SGCZ: variants seen among roughly 807,000 people sequenced by gnomAD.
SGCZ encodes zeta-sarcoglycan.
In SGCZ, 40 loss-of-function variants were observed where a neutral mutation model predicts 41.3. That is an observed-to-expected ratio of 0.97 (90% CI 0.75 to 1.26). The LOEUF is 1.26. Among genes scored for constraint, SGCZ ranks in the 50% most tolerant of loss-of-function variants. SGCZ has a pLI of 0.00. For synonymous variants in SGCZ, 206 were observed against 137.5 expected, an observed-to-expected ratio of 1.50 and a Z score of -3.49; for missense variants, 552 against 369.8, an observed-to-expected ratio of 1.49 and a Z score of -4.04.
At chr8:14,933,431 C>CTT (rs11443740) in intron 1 of SGCZ, among the ~76,000 whole-genome samples, 3,758 of 120,324 alleles carry the variant, frequency 0.031, 139 homozygotes, top group South Asian at 0.056. Context: ...CTTTTTTTTT[C>CTT]TTTTTTTTTT....
At chr8:14,928,493 A>G (rs553292552) in intron 1 of SGCZ, among the ~76,000 whole-genome samples, 341 of 152,348 alleles carry the variant, frequency 2.2e-3, no homozygotes, top group Non-Finnish European at 4.2e-3. Context: ...GAGGAAATAC[A>G]TATTACCAGA....
At chr8:15,137,763 C>T (rs1808167349) in intron 1 of SGCZ, among the ~76,000 whole-genome samples, 1 of 152,200 alleles carries the variant, frequency 6.6e-6, no homozygotes, top group Non-Finnish European at 1.5e-5. Flanking sequence ...GTATGAATGT[C>T]CAGGCAGAAG....
rs184189565 is a variant in SGCZ at position 14,656,858 on chromosome 8, G to A, written c.40-101932C>T. 1.4e-3 allele frequency among the ~76,000 whole-genome samples: 212 copies of A among 151,976 alleles called. 2 individuals carry two copies. The highest frequency in any genetic ancestry group is 5.0e-3 in the African/African-American group (207 of 41,476). On this transcript the variant is annotated intron_variant, in intron 1 of 7. Transcript: ENST00000382080. Reference sequence around the variant, plus strand: ...GCAAAGAAATATGACTTACATGTATGTTTTGATAAAGTGACCCTACAGATA... The same window carrying A: ...GCAAAGAAATATGACTTACATGTATATTTTGATAAAGTGACCCTACAGATA...
intron 1 of SGCZ, among the ~76,000 whole-genome samples, chr8:14,639,292 C>T (rs545826846): frequency 4.0e-5 from 6 of 151,720 alleles, no homozygotes; most frequent in African/African-American, 1.4e-4. Context: ...TGCCTTACCA[C>T]TAATATATTA....
chr8:14,309,456 G>A, intron 3 of SGCZ: 1 of 1,606,076 alleles, frequency 6.2e-7, no homozygotes, highest in African/African-American at 1.3e-5. Context: ...GATGACTGCA[G>A]TGATGATGTA....
In SGCZ at chr8:14,102,395, A is replaced by T; in HGVS notation, c.725T>A (p.Leu242Gln). 1.3e-6 allele frequency: 2 copies of T among 1,518,470 alleles called. No homozygotes were observed. The highest frequency in any genetic ancestry group is 1.8e-6 in the Non-Finnish European group (2 of 1,119,888). 94.1% of individuals were successfully genotyped at this position (1,518,470 alleles called of 1,614,324 possible). The change falls in exon 7 of 8, where the codon CTG becomes CAG. Residue 242 changes from leucine to glutamine, a missense_variant. Leu to Gln is a moderately radical substitution (Grantham distance 113, BLOSUM62 -2). Transcript: ENST00000382080. ...ACTCACCTCCCCTTCTGTAGATTGC[A>T]GATGGAGCTCCTTCCTGCAGGTGGC... is the stretch of plus-strand genomic sequence containing the variant. ...FKATCRKELHLQSTEGEIFLN... is the reference protein window; with the variant it reads ...FKATCRKELHQQSTEGEIFLN...
intron 1 of SGCZ, among the ~76,000 whole-genome samples, chr8:15,003,506 G>T (rs1347200356): frequency 3.3e-5 from 5 of 151,990 alleles, no homozygotes; most frequent in Non-Finnish European, 5.9e-5. Context: ...TAAATGATTT[G>T]GTTACAACAC....
At chr8:14,951,639 T>G (rs750442791) in intron 1 of SGCZ, among the ~76,000 whole-genome samples, 1 of 152,042 alleles carries the variant, frequency 6.6e-6, no homozygotes, top group Non-Finnish European at 1.5e-5. Context: ...GCATATACTA[T>G]GACTAAATGA....
At chr8:14,352,070 T>A (rs1803120582) in intron 2 of SGCZ, among the ~76,000 whole-genome samples, 1 of 152,174 alleles carries the variant, frequency 6.6e-6, no homozygotes, top group Admixed American at 6.6e-5. Flanking sequence ...ATTATTTACA[T>A]TACATATTCT....
At chr8:14,859,430 T>C (rs909863606) in intron 1 of SGCZ, among the ~76,000 whole-genome samples, 3 of 152,128 alleles carry the variant, frequency 2.0e-5, no homozygotes, top group Admixed American at 1.3e-4. Flanking sequence ...ACGTTATTAC[T>C]ATTATAAAAA....
intron 1 of SGCZ, among the ~76,000 whole-genome samples, chr8:14,683,038 T>A (rs1808498828): frequency 6.6e-6 from 1 of 152,092 alleles, no homozygotes; most frequent in Non-Finnish European, 1.5e-5. Context: ...TGTCAAATAT[T>A]TCTATAAGGT....
chr8:15,100,244 T>G (rs1457250015), intron 1 of SGCZ, among the ~76,000 whole-genome samples: 1 of 151,864 alleles, frequency 6.6e-6, no homozygotes, highest in South Asian at 2.1e-4. Context: ...GTTAAGTAAT[T>G]ATAGCAAGGT....
rs1193818496 is a variant in SGCZ at position 14,085,473 on chromosome 8, C to A, written c.*4970G>T. On this transcript the variant is annotated 3_prime_UTR_variant, in exon 8 of 8. Transcript: ENST00000382080. Reference sequence around the variant, plus strand: ...AATGAGATACTAAGACTGAAAAAAACAAAAAATAACTACAGTTCATTATAT... The same window carrying A: ...AATGAGATACTAAGACTGAAAAAAAAAAAAAATAACTACAGTTCATTATAT... Among the ~76,000 whole-genome samples, 1 of 151,522 alleles carries A rather than the reference C, an allele frequency of 6.6e-6. No individual in the cohort carries two copies. The highest frequency in any genetic ancestry group is 2.4e-5 in the African/African-American group (1 of 41,348).
Position 15,166,287 on chromosome 8 carries a change from G to A in SGCZ, c.39+71298C>T, listed in dbSNP as rs544025798. Among the ~76,000 whole-genome samples, 820 of 142,706 alleles carry A rather than the reference G, an allele frequency of 5.7e-3. 7 individuals are homozygous for A. Among genetic ancestry groups the A allele is most frequent in the Non-Finnish European group, 8.2e-3 (548 of 66,816 alleles). The allele number at this position is 142,706 out of a possible 152,430, so 93.6% of individuals were successfully genotyped here. A position where few individuals can be genotyped will look rare whatever the true frequency, so the allele number is the denominator to read the frequency against. On this transcript the variant is annotated intron_variant, in intron 1 of 7. Coordinates refer to ENST00000382080, the MANE Select transcript of SGCZ (RefSeq NM_139167.4). ...TTTTGAGACGGAGTCTCGCTCTGTC[G>A]CCCAGGCTGGAGTGCAGTGGCAAGA...
chr8:14,705,113 G>A (rs922727346), intron 1 of SGCZ, among the ~76,000 whole-genome samples: 3 of 151,896 alleles, frequency 2.0e-5, no homozygotes, highest in Admixed American at 6.6e-5. Flanking sequence ...GATTAGCAGT[G>A]CCTAGTTAAG....
intron 2 of SGCZ, among the ~76,000 whole-genome samples, chr8:14,333,244 T>A (rs532489356): frequency 6.6e-6 from 1 of 152,002 alleles, no homozygotes; most frequent in Non-Finnish European, 1.5e-5. Flanking sequence ...AAGAATACTA[T>A]ATCGAAAAGC....
intron 1 of SGCZ, among the ~76,000 whole-genome samples, chr8:14,647,580 GT>G (rs1469728963): frequency 1.3e-5 from 2 of 151,956 alleles, no homozygotes; most frequent in African/African-American, 4.8e-5. Flanking sequence ...TTTAGACATG[GT>G]TGTGGCATAA....
chr8:14,527,345 AG>A (rs1802983494), intron 2 of SGCZ, among the ~76,000 whole-genome samples: 1 of 152,266 alleles, frequency 6.6e-6, no homozygotes, highest in African/African-American at 2.4e-5. Flanking sequence ...TCTGTCATCC[AG>A]GCTAGAGCGC....
intron 4 of SGCZ, among the ~76,000 whole-genome samples, chr8:14,172,557 T>C (rs747581851): frequency 6.6e-5 from 10 of 152,142 alleles, no homozygotes; most frequent in Admixed American, 2.0e-4. Flanking sequence ...TAAACAGTTA[T>C]AAAACTGGGC....
Sources: gnomAD v4.1 joint callset for allele counts (sites outside exome capture counted in the v4.1 genomes callset) on GRCh38, gnomAD v4.1.1 for gene constraint, MANE v1.5 for transcripts, NCBI Gene and HGNC (gene_info 2026-07-23, HGNC 2026-07-21) for gene names.